The following VWA8 variants were observed in gnomAD, a reference collection of about 807,000 sequenced individuals.
VWA8 encodes von Willebrand factor A domain containing 8, also known as von Willebrand factor A domain-containing protein 8.
VWA8 carries 221 observed loss-of-function variants against 241.5 expected under a neutral mutation model. The ratio of observed to expected loss-of-function variants is 0.91; its 90% confidence interval spans 0.82 to 1.02. The LOEUF is 1.02. Among genes scored for constraint, VWA8 ranks in the 50% least tolerant of loss-of-function variants. VWA8 has a pLI of 0.00. For synonymous variants in VWA8, 852 were observed against 827.1 expected, an observed-to-expected ratio of 1.03 and a Z score of -0.52; for missense variants, 2,322 against 2,328.7, an observed-to-expected ratio of 1.00 and a Z score of 0.06.
intron 26 of VWA8, among the ~76,000 whole-genome samples, chr13:41,710,691 C>T (rs1345239142): frequency 2.0e-5 from 3 of 152,022 alleles, no homozygotes; most frequent in African/African-American, 7.2e-5. Context: ...ACTATGACTA[C>T]AAAAAGAAAA....
chr13:41,787,743 T>C (rs538462583), intron 17 of VWA8, among the ~76,000 whole-genome samples, 200 bp from the exon 18 acceptor site: 2 of 152,216 alleles, frequency 1.3e-5, no homozygotes, highest in African/African-American at 2.4e-5. Flanking sequence ...GTGAATTATA[T>C]GTTTGTGGAA....
intron 37 of VWA8, among the ~76,000 whole-genome samples, chr13:41,629,030 A>G (rs2044710807): frequency 6.6e-6 from 1 of 152,002 alleles, no homozygotes; most frequent in African/African-American, 2.4e-5. Flanking sequence ...ACAGAGCGAG[A>G]CTCCATCTCA....
chr13:41,907,446 A>G (rs772896727), intron 4 of VWA8, 140 bp downstream of exon 4: 29 of 568,346 alleles, frequency 5.1e-5, no homozygotes, highest in Non-Finnish European at 7.6e-5. Flanking sequence ...TGAAACTAAA[A>G]ATCTAAATTA....
intron 2 of VWA8, among the ~76,000 whole-genome samples, chr13:41,938,980 C>G (rs1320072401): frequency 6.6e-6 from 1 of 152,122 alleles, no homozygotes; most frequent in Non-Finnish European, 1.5e-5. Context: ...TATTTACAAA[C>G]TAAAGGAAAA....
At chr13:41,728,228 C>T (rs938153165) in intron 23 of VWA8, among the ~76,000 whole-genome samples, 1 of 151,994 alleles carries the variant, frequency 6.6e-6, no homozygotes, top group Middle Eastern at 3.2e-3. Flanking sequence ...ATAGTTTTAA[C>T]TGTGATCCCC....
intron 21 of VWA8, among the ~76,000 whole-genome samples, chr13:41,751,211 G>T (rs933456745): frequency 6.6e-6 from 1 of 151,994 alleles, no homozygotes; most frequent in South Asian, 2.1e-4. Flanking sequence ...CAAACCTAAA[G>T]ATCTACATGG....
chr13:41,655,915 A>G (rs2139691212), intron 37 of VWA8, among the ~76,000 whole-genome samples: 1 of 152,346 alleles, frequency 6.6e-6, no homozygotes, highest in East Asian at 1.9e-4. Flanking sequence ...TTATCTTGAA[A>G]GCAGTCAGAG....
intron 12 of VWA8, among the ~76,000 whole-genome samples, chr13:41,856,158 A>G (rs547474305): frequency 6.6e-6 from 1 of 152,254 alleles, no homozygotes; most frequent in Admixed American, 6.5e-5. Context: ...CAATATGGTA[A>G]AACCCCATCG....
chr13:41,876,122 T>C (rs1294438441), intron 9 of VWA8, among the ~76,000 whole-genome samples: 2 of 152,094 alleles, frequency 1.3e-5, no homozygotes, highest in Non-Finnish European at 2.9e-5. Context: ...TGGTCAAAGC[T>C]ACAATAGTGT....
chr13:41,594,654 C>T (rs964170667), intron 40 of VWA8, among the ~76,000 whole-genome samples: 12 of 152,138 alleles, frequency 7.9e-5, no homozygotes, highest in Non-Finnish European at 4.4e-5. Context: ...GGACACACAG[C>T]TGATGTTGGC....
chr13:41,943,134 A>C (rs1312939265), intron 2 of VWA8, among the ~76,000 whole-genome samples: 1 of 152,240 alleles, frequency 6.6e-6, no homozygotes, highest in Non-Finnish European at 1.5e-5. Flanking sequence ...TGAAATAACA[A>C]ATGGACAAGC....
chr13:41,778,832 C>CTTTTTTTT (rs71096543), intron 19 of VWA8, among the ~76,000 whole-genome samples: 2 of 82,648 alleles, frequency 2.4e-5, no homozygotes, highest in Non-Finnish European at 4.6e-5. Flanking sequence ...CAGTACGTCA[C>CTTTTTTTT]TTTTTTTTTT....
chr13:41,655,777 G>A (rs1256209600), intron 37 of VWA8, among the ~76,000 whole-genome samples: 1 of 152,230 alleles, frequency 6.6e-6, no homozygotes, highest in African/African-American at 2.4e-5. Flanking sequence ...TGCAATTTTA[G>A]AGAAGCCATA....
chr13:41,851,694 A>G (rs1417398008), intron 12 of VWA8, among the ~76,000 whole-genome samples: 1 of 152,152 alleles, frequency 6.6e-6, no homozygotes, highest in Admixed American at 6.5e-5. Context: ...CTATAAGTTC[A>G]ATTAAACCTT....
intron 20 of VWA8, among the ~76,000 whole-genome samples, chr13:41,763,170 T>G (rs2045753349): frequency 6.6e-6 from 1 of 152,008 alleles, no homozygotes; most frequent in Non-Finnish European, 1.5e-5. Context: ...ATGCCTGTAG[T>G]CCTAGCTACT....
chr13:41,696,461 G>A (rs1187165355), intron 29 of VWA8, among the ~76,000 whole-genome samples: 1 of 152,106 alleles, frequency 6.6e-6, no homozygotes, highest in Non-Finnish European at 1.5e-5. Flanking sequence ...CCTATTATGA[G>A]TACTTTTTAA....
intron 12 of VWA8, among the ~76,000 whole-genome samples, chr13:41,860,165 A>G (rs1872943365): frequency 6.6e-6 from 1 of 152,192 alleles, no homozygotes; most frequent in East Asian, 1.9e-4. Context: ...TACAGTTATT[A>G]TATTTCTCTA....
intron 37 of VWA8, among the ~76,000 whole-genome samples, chr13:41,649,012 C>T (rs924305985): frequency 2.0e-5 from 3 of 152,060 alleles, no homozygotes; most frequent in Non-Finnish European, 4.4e-5. Flanking sequence ...GGTGAAACCT[C>T]GTCTCTACTA....
At chr13:41,941,440 G>C (rs1026974906) in intron 2 of VWA8, among the ~76,000 whole-genome samples, 1 of 152,154 alleles carries the variant, frequency 6.6e-6, no homozygotes, top group Non-Finnish European at 1.5e-5. Flanking sequence ...CAACATTCTT[G>C]CTACACTGCA....
Sources: allele counts gnomAD v4.1 joint callset (sites outside exome capture counted in the v4.1 genomes callset), GRCh38; gene constraint gnomAD v4.1.1; transcripts MANE v1.5; gene names NCBI Gene and HGNC (gene_info 2026-07-23, HGNC 2026-07-21).